The following EDA variants were observed in gnomAD, a reference collection of about 807,000 sequenced individuals.
The protein encoded by EDA is ectodysplasin-A.
A neutral mutation model predicts 23.6 loss-of-function variants in EDA; 2 were observed. The observed-to-expected ratio is 0.08, with a 90% CI of 0.03 to 0.27. The LOEUF is 0.27. EDA is among the 10% of genes least tolerant of loss of function. The probability of loss-of-function intolerance (pLI) is 1.00; values close to 1 mark genes in which losing one functional copy is unlikely to be tolerated. For missense variants in EDA, 229 were observed against 324.2 expected (o/e 0.71, Z 2.26); for synonymous variants, 131 against 132.0 (o/e 0.99, Z 0.05).
At chrX:69,682,413 C>A (rs1268524147) in intron 1 of EDA, among the ~76,000 whole-genome samples, 1 of 112,407 alleles carries the variant, frequency 8.9e-6, no homozygotes, top group African/African-American at 3.2e-5. Flanking sequence ...GGCGCCCCTC[C>A]CCCAGCCTCG....
chrX:69,809,591 T>C (rs1359229690), intron 1 of EDA, among the ~76,000 whole-genome samples: 1 of 111,834 alleles, frequency 8.9e-6, no homozygotes, highest in Non-Finnish European at 1.9e-5. Context: ...AATGTTAAGG[T>C]GAGGCATACC....
chrX:69,662,770 T>C (rs914213353), intron 1 of EDA, among the ~76,000 whole-genome samples: 11 of 112,011 alleles, frequency 9.8e-5, no homozygotes, highest in African/African-American at 3.6e-4. Flanking sequence ...GATAGTGATA[T>C]GGACAAAAAA....
chrX:69,802,031 A>G (rs1213530213), intron 1 of EDA, among the ~76,000 whole-genome samples: 1 of 111,711 alleles, frequency 9.0e-6, no homozygotes, highest in Non-Finnish European at 1.9e-5. Flanking sequence ...CTTTCTCATG[A>G]TAAGTCAGGA....
intron 2 of EDA, among the ~76,000 whole-genome samples, chrX:69,962,163 C>G (rs1209367733): frequency 8.9e-6 from 1 of 111,830 alleles, no homozygotes; most frequent in Non-Finnish European, 1.9e-5. Context: ...ATCTTAATAT[C>G]TCTCCACACC....
intron 3 of EDA, among the ~76,000 whole-genome samples, chrX:70,023,594 AT>A (rs1162608457): frequency 2.0e-5 from 2 of 99,684 alleles, no homozygotes; most frequent in African/African-American, 3.8e-5. Flanking sequence ...GGTTCAAGCG[AT>A]TCTCTTGCCT....
chrX:69,653,644 C>T (rs1038205389), intron 1 of EDA, among the ~76,000 whole-genome samples: 4 of 110,567 alleles, frequency 3.6e-5, no homozygotes, highest in Admixed American at 2.9e-4. Flanking sequence ...GAAATAATGC[C>T]GCATATCTAC....
intron 1 of EDA, among the ~76,000 whole-genome samples, chrX:69,928,405 G>A (rs568129582): frequency 8.1e-5 from 9 of 111,637 alleles, no homozygotes; most frequent in South Asian, 7.4e-4. Context: ...GTAGTATTTT[G>A]GTCAGTGTTT....
intron 1 of EDA, among the ~76,000 whole-genome samples, chrX:69,710,110 T>C (rs1444296027): frequency 1.8e-5 from 2 of 111,534 alleles, no homozygotes. Context: ...GGTCTTCTTC[T>C]AGGGTTTTTA....
chrX:69,857,529 G>T (rs1011887515), intron 1 of EDA, among the ~76,000 whole-genome samples: 1 of 104,853 alleles, frequency 9.5e-6, no homozygotes, highest in Admixed American at 1.0e-4. Flanking sequence ...TTGGCTATGC[G>T]GGCTCTTTTT....
At chrX:69,681,585 T>C (rs1934352737) in intron 1 of EDA, among the ~76,000 whole-genome samples, 3 of 110,858 alleles carry the variant, frequency 2.7e-5, no homozygotes, top group African/African-American at 6.6e-5. Flanking sequence ...TCTTCCATCA[T>C]TGATACCCTT....
At chrX:69,842,779 A>G (rs1367257705) in intron 1 of EDA, among the ~76,000 whole-genome samples, 1 of 111,361 alleles carries the variant, frequency 9.0e-6, no homozygotes, top group East Asian at 2.8e-4. Context: ...CTTGTGATAG[A>G]GTCCTAACAA....
intron 1 of EDA, among the ~76,000 whole-genome samples, chrX:69,761,201 C>T (rs1015688971): frequency 1.5e-4 from 17 of 110,426 alleles, no homozygotes; most frequent in Admixed American, 3.9e-4. Flanking sequence ...AAGGATGCCT[C>T]TAGGGTTCAG....
chrX:69,713,908 A>G (rs2012200522), intron 1 of EDA, among the ~76,000 whole-genome samples: 1 of 83,438 alleles, frequency 1.2e-5, no homozygotes, highest in Admixed American at 1.5e-4. Context: ...GGGTCGTATT[A>G]TAGTTGCATG....
chrX:69,742,851 C>T (rs1209732196), intron 1 of EDA, among the ~76,000 whole-genome samples: 1 of 111,208 alleles, frequency 9.0e-6, no homozygotes, highest in Admixed American at 9.5e-5. Flanking sequence ...CAGTCCTGTG[C>T]TACCTGTTGT....
intron 2 of EDA, among the ~76,000 whole-genome samples, chrX:70,016,109 C>T (rs778229947): frequency 9.1e-6 from 1 of 110,082 alleles, no homozygotes; most frequent in Non-Finnish European, 1.9e-5. Context: ...GCCTTTAAAC[C>T]AACAACAATT....
Position 70,023,208 on chromosome X carries a change from T to G in EDA, c.503-10T>G. 1 of 1,071,269 alleles carries G rather than the reference T, an allele frequency of 9.3e-7. No homozygotes were observed. Among genetic ancestry groups the G allele is most frequent in the Non-Finnish European group, 1.3e-6 (1 of 772,345 alleles). The allele number at this position is 1,071,269 out of a possible 1,213,427, so 88.3% of individuals were successfully genotyped here. A position where few individuals can be genotyped will look rare whatever the true frequency, so the allele number is the denominator to read the frequency against. On this transcript the variant is annotated splice_polypyrimidine_tract_variant and intron_variant, in intron 2 of 7. Transcript: ENST00000374552. ...CAATGACTTAATTATCTATTTTATTTTTCTTATAGGCCCAGTTAAAAACAA... is the reference window on the plus strand; with the variant it reads ...CAATGACTTAATTATCTATTTTATTGTTCTTATAGGCCCAGTTAAAAACAA...
At chrX:69,815,390 T>G (rs1212760746) in intron 1 of EDA, among the ~76,000 whole-genome samples, 1 of 93,370 alleles carries the variant, frequency 1.1e-5, no homozygotes, top group Non-Finnish European at 2.0e-5. Flanking sequence ...CAGGATTCTA[T>G]GGACAGAGCT....
At chrX:69,860,111 A>G (rs964896125) in intron 1 of EDA, among the ~76,000 whole-genome samples, 25 of 110,822 alleles carry the variant, frequency 2.3e-4, no homozygotes, top group African/African-American at 7.6e-4. Context: ...ATTTTGAGCC[A>G]ATGTATGCCA....
chrX:69,735,071 C>CCTAT (rs1426992254), intron 1 of EDA, among the ~76,000 whole-genome samples: 1 of 111,521 alleles, frequency 9.0e-6, no homozygotes, highest in Non-Finnish European at 1.9e-5. Flanking sequence ...TGTTTACACA[C>CCTAT]CTATGTTCAT....
Sources: allele counts gnomAD v4.1 joint callset (sites outside exome capture counted in the v4.1 genomes callset), GRCh38; gene constraint gnomAD v4.1.1; transcripts MANE v1.5; gene names NCBI Gene and HGNC (gene_info 2026-07-23, HGNC 2026-07-21).